The following KDM4C variants were observed in gnomAD, a reference collection of about 807,000 sequenced individuals.
KDM4C encodes lysine-specific demethylase 4C.
In KDM4C, 81 loss-of-function variants were observed where a neutral mutation model predicts 129.3. The observed-to-expected ratio is 0.63, with a 90% confidence interval of 0.52 to 0.75. The LOEUF (loss-of-function observed/expected upper bound fraction) is 0.75, where lower values mean the gene tolerates loss of function less well. Ranked by LOEUF, KDM4C falls within the 30% of genes least tolerant of loss-of-function variation. The pLI is 0.00. For synonymous variants in KDM4C, 573 were observed against 456.1 expected (o/e 1.26, Z -3.26); for missense variants, 1,457 against 1,304.0 (o/e 1.12, Z -1.81).
chr9:7,101,769 C>T (rs1290841088), intron 17 of KDM4C, among the ~76,000 whole-genome samples: 1 of 152,204 alleles, frequency 6.6e-6, no homozygotes. Flanking sequence ...CACTGTCCTA[C>T]TCTTAAAAGA....
At chr9:6,892,943 G>T in intron 7 of KDM4C, 152 bp from the exon 8 acceptor site, 1 of 487,676 alleles carries the variant, frequency 2.1e-6, no homozygotes, top group Admixed American at 4.2e-5. Context: ...ACTATTAAAG[G>T]ATTAAGTAAT....
At chr9:6,872,294 G>T (rs780035367) in intron 5 of KDM4C, among the ~76,000 whole-genome samples, 1 of 152,182 alleles carries the variant, frequency 6.6e-6, no homozygotes, top group Non-Finnish European at 1.5e-5. Flanking sequence ...TTTTGAGGTG[G>T]TAGAGTGGTT....
chr9:6,858,359 G>C (rs756396982), intron 5 of KDM4C, among the ~76,000 whole-genome samples: 56 of 150,982 alleles, frequency 3.7e-4, no homozygotes, highest in South Asian at 6.3e-4. Flanking sequence ...CCACCACCAC[G>C]ACCACCACCA....
intron 21 of KDM4C, among the ~76,000 whole-genome samples, chr9:7,173,968 A>C (rs1297516201): frequency 6.6e-6 from 1 of 152,230 alleles, no homozygotes; most frequent in Non-Finnish European, 1.5e-5. Flanking sequence ...AGGGCATCGT[A>C]GTTGAGCAGA....
intron 15 of KDM4C, among the ~76,000 whole-genome samples, chr9:7,025,720 T>C (rs1392916214): frequency 6.6e-6 from 1 of 152,252 alleles, no homozygotes; most frequent in African/African-American, 2.4e-5. Flanking sequence ...AATTTCTATG[T>C]CTTGAAAAGT....
At chr9:6,916,054 G>A (rs1447511957) in intron 8 of KDM4C, among the ~76,000 whole-genome samples, 1 of 152,172 alleles carries the variant, frequency 6.6e-6, no homozygotes, top group African/African-American at 2.4e-5. Flanking sequence ...TTGACCTGGT[G>A]AAGATTGGAT....
chr9:6,885,326 C>G (rs914522384), intron 6 of KDM4C, among the ~76,000 whole-genome samples: 10 of 152,186 alleles, frequency 6.6e-5, no homozygotes, highest in African/African-American at 2.4e-4. Flanking sequence ...CACACATGCT[C>G]ACTTTTACAT....
At chr9:6,880,431 TG>T (rs1256164091) in intron 6 of KDM4C, among the ~76,000 whole-genome samples, 1 of 152,162 alleles carries the variant, frequency 6.6e-6, no homozygotes, top group East Asian at 1.9e-4. Flanking sequence ...CAGACGGTAT[TG>T]TTGCTGCATC....
intron 19 of KDM4C, among the ~76,000 whole-genome samples, chr9:7,133,264 G>T (rs931556501): frequency 1.3e-5 from 2 of 151,832 alleles, no homozygotes; most frequent in Non-Finnish European, 2.9e-5. Flanking sequence ...ACCTTTTCTG[G>T]TCTTGAAATT....
At chr9:7,147,607 C>T (rs1181874441) in intron 19 of KDM4C, among the ~76,000 whole-genome samples, 4 of 151,942 alleles carry the variant, frequency 2.6e-5, no homozygotes, top group East Asian at 1.9e-4. Context: ...CTTTTTTCCC[C>T]GTGTTTGGGG....
At chr9:6,847,787 G>A (rs1211576310) in intron 4 of KDM4C, among the ~76,000 whole-genome samples, 2 of 152,162 alleles carry the variant, frequency 1.3e-5, no homozygotes, top group African/African-American at 4.8e-5. Context: ...AAGAGAATTT[G>A]GGAATTAAAT....
intron 8 of KDM4C, among the ~76,000 whole-genome samples, chr9:6,919,289 T>TC (rs1820999695): frequency 2.0e-5 from 3 of 150,258 alleles, no homozygotes; most frequent in African/African-American, 7.4e-5. Context: ...CTCTCTCTCT[T>TC]TCTTTCTTTC....
At chr9:7,077,128 A>T in intron 17 of KDM4C, 1 of 985,448 alleles carries the variant, frequency 1.0e-6, no homozygotes, top group Non-Finnish European at 1.2e-6. Flanking sequence ...ACAGATGTGG[A>T]CACTGGGCTG....
chr9:6,911,846 G>A lies in KDM4C; in HGVS notation c.921+18614G>A, dbSNP rs550066957. On this transcript the variant is annotated intron_variant, in intron 8 of 21. Transcript: ENST00000381309. ...GGTGCTGGGGCTCGGGGAGGTGGCA[G>A]GGACTGGGCACTGTTGCCTGAGGGG... is the stretch of plus-strand genomic sequence containing the variant. 2.0e-5 allele frequency among the ~76,000 whole-genome samples: 3 copies of A among 152,302 alleles called. No individual in the cohort carries two copies. The East Asian group carries it at 5.8e-4, about 29-fold the overall frequency.
intron 19 of KDM4C, among the ~76,000 whole-genome samples, chr9:7,162,889 G>A (rs557936873): frequency 1.3e-5 from 2 of 152,260 alleles, no homozygotes; most frequent in South Asian, 4.1e-4. Flanking sequence ...GTCTCGCCCT[G>A]CCTGAGGAAA....
intron 1 of KDM4C, among the ~76,000 whole-genome samples, chr9:6,790,531 G>A (rs898531962): frequency 6.6e-5 from 10 of 150,846 alleles, no homozygotes; most frequent in Admixed American, 2.0e-4. Context: ...GGGGATTATA[G>A]GCATGAGCCC....
At chr9:6,747,049 C>G (rs187819350) in intron 1 of KDM4C, among the ~76,000 whole-genome samples, 302 of 146,280 alleles carry the variant, frequency 2.1e-3, no homozygotes, top group Admixed American at 1.4e-3. Context: ...AAAAATTAGT[C>G]AGGTGTGGTG....
chr9:6,824,429 G>A (rs543250572), intron 4 of KDM4C, among the ~76,000 whole-genome samples: 3 of 152,268 alleles, frequency 2.0e-5, no homozygotes, highest in South Asian at 4.1e-4. Context: ...GAAGGGTGAA[G>A]AGGGTTCAGG....
chr9:6,753,321 A>G (rs915034602), upstream of KDM4C, among the ~76,000 whole-genome samples: 8 of 152,236 alleles, frequency 5.3e-5, no homozygotes, highest in Non-Finnish European at 8.8e-5. Flanking sequence ...TTTACCTGAA[A>G]TAATGGACTT....
Sources: gnomAD v4.1 joint callset for allele counts (sites outside exome capture counted in the v4.1 genomes callset) on GRCh38, gnomAD v4.1.1 for gene constraint, MANE v1.5 for transcripts, NCBI Gene and HGNC (gene_info 2026-07-23, HGNC 2026-07-21) for gene names.